NLRC5: variants seen among roughly 807,000 people sequenced by gnomAD.
NLRC5 encodes the protein NLR family CARD domain containing 5.
In NLRC5, 114 loss-of-function variants were observed where a neutral mutation model predicts 206.9. That is an observed-to-expected ratio of 0.55 (90% confidence interval 0.47 to 0.64). The LOEUF is 0.64. Among genes scored for constraint, NLRC5 ranks in the 30% least tolerant of loss-of-function variants. The pLI, the probability that NLRC5 is intolerant of heterozygous loss-of-function variation, is 0.00. For missense variants in NLRC5, 2,008 were observed against 2,305.5 expected, an observed-to-expected ratio of 0.87 and a Z score of 2.64; for synonymous variants, 952 against 962.8, an observed-to-expected ratio of 0.99 and a Z score of 0.21.
chr16:57,024,149 G>T (rs1034707942), intron 5 of NLRC5, among the ~76,000 whole-genome samples: 1 of 152,190 alleles, frequency 6.6e-6, no homozygotes, highest in Non-Finnish European at 1.5e-5. Flanking sequence ...GCTTTTCCAG[G>T]GACACCCTAT....
chr16:57,005,176 G>A lies in NLRC5; in HGVS notation c.-127-11898G>A, dbSNP rs12444099. 2.3e-3 allele frequency among the ~76,000 whole-genome samples: 346 copies of A among 152,274 alleles called. 8 individuals are homozygous for A. The highest frequency in any genetic ancestry group is 0.02 in the Admixed American group (301 of 15,290). ...AAGTTCATCGGGTTTTATTTTCTCT[G>A]TTCCGTTTGCAGTAGCTCTTCTTTC... is the stretch of plus-strand genomic sequence containing the variant. On this transcript the variant is annotated intron_variant, in intron 1 of 48. Coordinates refer to ENST00000688547, the MANE Select transcript of NLRC5 (RefSeq NM_001384950.1).
Position 57,026,390 on chromosome 16 carries a change from C to T in NLRC5, c.1447C>T (p.Pro483Ser), listed in dbSNP as rs1187695011. Residue 483 changes from proline to serine, a missense_variant, in exon 6 of 49, where the codon CCC becomes TCC. Pro to Ser is a moderately conservative substitution (Grantham distance 74). Coordinates refer to ENST00000688547, the MANE Select transcript of NLRC5 (RefSeq NM_001384950.1). ...CTTCTATGCAAAAGATATTGCTCCACCCTTGATAGCTTTTGGGGCCACTCA... is the reference window on the plus strand; with the variant it reads ...CTTCTATGCAAAAGATATTGCTCCATCCTTGATAGCTTTTGGGGCCACTCA... ...VIFYAKDIAP[P>S]LIAFGATHSL... 3.7e-6 allele frequency: 6 copies of T among 1,613,992 alleles called. No individual in the cohort carries two copies. Among genetic ancestry groups the T allele is most frequent in the Non-Finnish European group, 5.1e-6 (6 of 1,180,062 alleles).
At position 57,035,468 on chromosome 16, in the gene NLRC5, A is replaced by T. The variant is rs192364647; in HGVS notation, c.2628-632A>T. On this transcript the variant is annotated intron_variant, in intron 13 of 48. Coordinates refer to ENST00000688547, the MANE Select transcript of NLRC5 (RefSeq NM_001384950.1). ...AGCCTCCTAAACCCCATCTGACCCC[A>T]TCCTTCCACTCAATCTCCAATCCAG... 2.6e-5 allele frequency among the ~76,000 whole-genome samples: 4 copies of T among 151,994 alleles called. No individual in the cohort carries two copies. The East Asian group carries it at 5.8e-4, about 22-fold the overall frequency.
intron 11 of NLRC5, among the ~76,000 whole-genome samples, chr16:57,031,848 GT>G (rs2143015371): frequency 6.6e-6 from 1 of 151,468 alleles, no homozygotes; most frequent in East Asian, 1.9e-4. Flanking sequence ...AATTAAATGA[GT>G]TACTACACTT....
rs1182505342 is a variant in NLRC5, at chr16:57,055,518, G to A, written c.3745G>A (p.Asp1249Asn). Residue 1249 changes from aspartate to asparagine, a missense_variant and splice_region_variant, in exon 27 of 49, where the codon GAT becomes AAT. Physicochemically the swap from Asp to Asn is conservative, Grantham distance 23. Coordinates refer to ENST00000688547, the MANE Select transcript of NLRC5 (RefSeq NM_001384950.1). The stretch of plus-strand genomic sequence containing the variant: ...CAAGTGTAAAGACCTCAGCCAGGTG[G>A]AGTAAGTTGAGGGAGGAGGAGGAAG... ...LSKCKDLSQV[D>N]LSANLLGDSG... The A allele has an allele frequency of 6.2e-7, 1 of 1,612,542 alleles. No individual in the cohort carries two copies. Among genetic ancestry groups the A allele is most frequent in the Admixed American group, 1.7e-5 (1 of 59,980 alleles).
In NLRC5 at chr16:57,061,627, G is replaced by T; in HGVS notation, c.4080G>T (p.Gln1360His). ...SLQLTELTLT[Q>H]CCLGQKQLAI... ...TGACCTCTGTCTCCAGGCTGACCCAGTGCTGCCTGGGCCAGAAGCAGCTGG... is the reference window on the plus strand; with the variant it reads ...TGACCTCTGTCTCCAGGCTGACCCATTGCTGCCTGGGCCAGAAGCAGCTGG... Residue 1360 changes from glutamine (Q) to histidine (H), a missense_variant, in exon 32 of 49, where the codon CAG becomes CAT. Gln to His is a conservative substitution (Grantham distance 24). Transcript: ENST00000688547. 1 of 1,610,460 alleles carries T rather than the reference G, an allele frequency of 6.2e-7. No individual in the cohort carries two copies. Among genetic ancestry groups the T allele is most frequent in the Non-Finnish European group, 8.5e-7 (1 of 1,179,400 alleles).
chr16:57,077,005 T>A, intron 40 of NLRC5, 103 bp downstream of exon 40: 1 of 1,008,684 alleles, frequency 9.9e-7, no homozygotes, highest in Non-Finnish European at 1.5e-6. Context: ...TCATCTCATC[T>A]CCTTCACCCA....
rs1179335402 is a variant in NLRC5, at chr16:57,067,772, C to G, written c.4443C>G (p.Ala1481=). The G allele has an allele frequency of 6.2e-7, 1 of 1,614,204 alleles. No homozygotes were observed. The highest frequency in any genetic ancestry group is 1.7e-5 in the Admixed American group (1 of 60,034). Residue 1481 remains alanine, a synonymous_variant, in exon 36 of 49, where the codon GCC becomes GCG. Coordinates refer to ENST00000688547, the MANE Select transcript of NLRC5 (RefSeq NM_001384950.1). ...SQVNLCEDDD[A]SSLLLQSLLL... The stretch of plus-strand genomic sequence containing the variant: ...TTAACCTCTGTGAGGACGATGATGC[C>G]AGTTCCCTGCTGCTGCAGAGCCTCC...
rs769124904 is a variant in NLRC5, at chr16:57,081,050, C to T, written c.5322-48C>T. The T allele has an allele frequency of 6.6e-6, 10 of 1,513,894 alleles. No individual in the cohort carries two copies. In the East Asian group the frequency reaches 9.8e-5, roughly 15 times the overall value. The allele number at this position is 1,513,894 out of a possible 1,614,324, so 93.8% of individuals were successfully genotyped here. ...CATTCACTGCCTTGTCTCCACCCCT[C>T]GACCTCCTTGCTCTCCTGCCGCTGA... On this transcript the variant is annotated intron_variant, in intron 46 of 48. Coordinates refer to ENST00000688547, the MANE Select transcript of NLRC5 (RefSeq NM_001384950.1).
chr16:56,994,860 T>C (rs1466389500), intron 1 of NLRC5, among the ~76,000 whole-genome samples: 1 of 152,192 alleles, frequency 6.6e-6, no homozygotes, highest in Non-Finnish European at 1.5e-5. Context: ...TTGCAATTTT[T>C]GCAATTTTGT....
intron 1 of NLRC5, among the ~76,000 whole-genome samples, chr16:57,014,635 C>G (rs1316850112): frequency 6.6e-6 from 1 of 152,218 alleles, no homozygotes. Flanking sequence ...TGTTTTTTAT[C>G]TGCCTGTTAA....
intron 1 of NLRC5, among the ~76,000 whole-genome samples, chr16:56,993,311 C>T (rs1489099064): frequency 6.6e-6 from 1 of 151,820 alleles, no homozygotes; most frequent in Non-Finnish European, 1.5e-5. Context: ...TGCCCTTTCC[C>T]TCTTTCTTTT....
intron 48 of NLRC5, 40 bp downstream of exon 48, chr16:57,081,650 G>A (rs201051856): frequency 6.5e-7 from 1 of 1,538,868 alleles, no homozygotes; most frequent in Admixed American, 1.7e-5. Context: ...TGGGTGGGAG[G>A]CTACACCAAC....
chr16:57,039,293 T>A (rs2062987179), intron 15 of NLRC5, among the ~76,000 whole-genome samples: 1 of 152,216 alleles, frequency 6.6e-6, no homozygotes, highest in South Asian at 2.1e-4. Context: ...AGGCAATAGA[T>A]ACATTTGTGA....
At chr16:57,024,800 A>G (rs577293623) in intron 5 of NLRC5, among the ~76,000 whole-genome samples, 142 of 152,360 alleles carry the variant, frequency 9.3e-4, no homozygotes, top group Non-Finnish European at 1.6e-3. Context: ...AGTTGAGCCC[A>G]GGAATTCAAT....
chr16:57,022,329 T>C lies in NLRC5; in HGVS notation c.355+14T>C, dbSNP rs907996318. On this transcript the variant is annotated intron_variant, in intron 4 of 48. Transcript: ENST00000688547. ...AGCTCCACCATGGTGAGGACTGGAG[T>C]TGGGGGGTGGGAAGGGGGTGGTGAG... The C allele has an allele frequency of 1.2e-6, 2 of 1,602,866 alleles. No homozygotes were observed. Among genetic ancestry groups the C allele is most frequent in the South Asian group, 1.1e-5 (1 of 90,528 alleles).
chr16:57,069,359 G>A (rs2144856693), intron 36 of NLRC5, among the ~76,000 whole-genome samples: 1 of 152,278 alleles, frequency 6.6e-6, no homozygotes, highest in Non-Finnish European at 1.5e-5. Context: ...CACTCTGGGA[G>A]GCCGAGGAGG....
chr16:57,062,864 C>G (rs1308339818), intron 32 of NLRC5: 2 of 152,110 alleles, frequency 1.3e-5, no homozygotes, highest in Non-Finnish European at 2.9e-5. Context: ...AACTCTTTTC[C>G]TCTTGCAAAA....
Position 57,077,732 on chromosome 16 carries a change from A to C in NLRC5, c.4933A>C (p.Ser1645Arg). The C allele has an allele frequency of 6.3e-7, 1 of 1,592,272 alleles. No homozygotes were observed. Among genetic ancestry groups the C allele is most frequent in the Non-Finnish European group, 8.6e-7 (1 of 1,167,706 alleles). Residue 1645 changes from serine (S) to arginine (R), a missense_variant, in exon 42 of 49, where the codon AGC becomes CGC. Physicochemically the swap from Ser to Arg is moderately radical, Grantham distance 110. Coordinates refer to ENST00000688547, the MANE Select transcript of NLRC5 (RefSeq NM_001384950.1). Reference protein sequence around the residue: ...ELRKIDLSGNSISSAGGVQLA... With the variant: ...ELRKIDLSGNRISSAGGVQLA... ...CCCCTCCCACAGCCTCTCAGGGAAT[A>C]GCATCAGCTCAGCCGGGGGAGTGCA...
Sources: gnomAD v4.1 joint callset for allele counts (sites outside exome capture counted in the v4.1 genomes callset) on GRCh38, gnomAD v4.1.1 for gene constraint, MANE v1.5 for transcripts, NCBI Gene and HGNC (gene_info 2026-07-23, HGNC 2026-07-21) for gene names.